Variants in MGST1 observed in about 807,000 individuals in gnomAD.
MGST1 encodes glutathione S-transferase 12.
Under a neutral mutation model 8.9 loss-of-function variants are expected in MGST1, and 5 were observed. The observed-to-expected ratio is 0.56, with a 90% CI of 0.29 to 1.19. MGST1 has a LOEUF of 1.19. Among genes scored for constraint, MGST1 ranks in the 50% most tolerant of loss-of-function variants. The probability of loss-of-function intolerance (pLI) is 0.08; values close to 1 mark genes in which losing one functional copy is unlikely to be tolerated. For missense variants in MGST1, 182 were observed against 187.4 expected (o/e 0.97, Z 0.17); for synonymous variants, 54 against 67.8 (o/e 0.80, Z 1.00).
intron 4 of MGST1, among the ~76,000 whole-genome samples, chr12:16,504,008 C>G (rs1941521387): frequency 6.6e-6 from 1 of 152,122 alleles, no homozygotes. Flanking sequence ...TTCCGGCTCA[C>G]CCTTGAATTC....
rs2137573900 is a variant in MGST1, at chr12:16,585,587, T to C, written n.483-3941T>C. On this transcript the variant is annotated intron_variant and non_coding_transcript_variant, in intron 4 of 4. Transcript: ENST00000538857. This position sits in a 1 kb window ranked among gnomAD's most constrained non-coding sequence, Gnocchi z 4.7. ...TCTCACTCAGCTATCTGAGCATCTC[T>C]CATGCATCAGGCCCTATGTTCCCAC... Among the ~76,000 whole-genome samples, 1 of 152,314 alleles carries C rather than the reference T, an allele frequency of 6.6e-6. No individual in the cohort carries two copies. Among genetic ancestry groups the C allele is most frequent in the East Asian group, 1.9e-4 (1 of 5,186 alleles).
chr12:16,424,265 G>A (rs1159507455), intron 1 of MGST1, among the ~76,000 whole-genome samples: 1 of 152,178 alleles, frequency 6.6e-6, no homozygotes, highest in Non-Finnish European at 1.5e-5. Context: ...GTCCAACAGA[G>A]GTGTCATAGA....
In MGST1 at chr12:16,433,794, A is replaced by G. The variant is rs541582467; in HGVS notation, n.779-3594A>G. Among the ~76,000 whole-genome samples the G allele has an allele frequency of 7.2e-5, 11 of 152,148 alleles. No individual in the cohort carries two copies. The East Asian group carries it at 9.7e-4, about 13-fold the overall frequency. ...CACATCCCAATCCAAGGCAATCTCA[A>G]TGTCCCCCAAGGCGTTCAGTTAGTT... On this transcript the variant is annotated intron_variant and non_coding_transcript_variant, in intron 1 of 1. Coordinates refer to the MGST1 transcript ENST00000359720.
Position 16,517,872 on chromosome 12 carries a change from T to A in MGST1, n.483-71656T>A, listed in dbSNP as rs1220874349. On this transcript the variant is annotated intron_variant and non_coding_transcript_variant, in intron 4 of 4. Coordinates refer to the MGST1 transcript ENST00000538857. This position sits in a 1 kb window ranked among gnomAD's most constrained non-coding sequence, Gnocchi z 4.2. ...TTATGTTAATACATAGGTCCCTAAG[T>A]TCTTGATTAATGTACATTTAGCCTT... 6.6e-6 allele frequency among the ~76,000 whole-genome samples: 1 copy of A among 152,208 alleles called. No individual in the cohort carries two copies.
chr12:16,412,665 A>T (rs1382430963), intron 1 of MGST1, among the ~76,000 whole-genome samples: 1 of 152,074 alleles, frequency 6.6e-6, no homozygotes, highest in Non-Finnish European at 1.5e-5. Context: ...GTAGTGAATA[A>T]ATCTCATGAG....
At chr12:16,567,745 T>C (rs370984161) in intron 4 of MGST1, among the ~76,000 whole-genome samples, 47 of 152,172 alleles carry the variant, frequency 3.1e-4, no homozygotes, top group African/African-American at 1.1e-3. Flanking sequence ...AGAAGCTTCA[T>C]GTTTGGTAAG....
chr12:16,385,988 C>A (rs1298825675), intron 1 of MGST1, among the ~76,000 whole-genome samples: 1 of 152,188 alleles, frequency 6.6e-6, no homozygotes, highest in Non-Finnish European at 1.5e-5. Context: ...AATCTGCCTA[C>A]TGCCTTCACT....
chr12:16,411,040 G>A lies in MGST1; in HGVS notation n.779-26348G>A, dbSNP rs182122078. Among the ~76,000 whole-genome samples the A allele has an allele frequency of 7.9e-5, 12 of 152,120 alleles. No homozygotes were observed. In the East Asian group the frequency reaches 1.7e-3, roughly 22 times the overall value. On this transcript the variant is annotated intron_variant and non_coding_transcript_variant, in intron 1 of 1. Transcript: ENST00000359720. ...TCCACTCCCACTTAGCTCTTCCTCT[G>A]TTCAACTATTACTTCCTTAGGGACT...
chr12:16,507,422 A>G (rs1234546982), intron 4 of MGST1, among the ~76,000 whole-genome samples: 3 of 152,230 alleles, frequency 2.0e-5, no homozygotes, highest in Non-Finnish European at 2.9e-5. Flanking sequence ...AGTTAGTGAG[A>G]CTGAAGAGGA....
intron 4 of MGST1, among the ~76,000 whole-genome samples, chr12:16,488,727 T>G (rs1941416713): frequency 6.6e-6 from 1 of 152,148 alleles, no homozygotes; most frequent in Non-Finnish European, 1.5e-5. Flanking sequence ...ACATGATTAA[T>G]ATTGGTCTCC....
chr12:16,490,750 G>A (rs934645566), intron 4 of MGST1, among the ~76,000 whole-genome samples: 5 of 152,116 alleles, frequency 3.3e-5, no homozygotes, highest in African/African-American at 1.2e-4. Flanking sequence ...ATTCAGGATT[G>A]AAAATCAAGC....
intron 4 of MGST1, among the ~76,000 whole-genome samples, chr12:16,453,933 A>C (rs1317846956): frequency 1.3e-5 from 2 of 151,990 alleles, no homozygotes; most frequent in Admixed American, 6.6e-5. Context: ...CCACCTTCTG[A>C]CATGAGAGTT....
chr12:16,569,805 AAG>A (rs1254132607), intron 4 of MGST1, among the ~76,000 whole-genome samples: 3 of 152,200 alleles, frequency 2.0e-5, no homozygotes, highest in African/African-American at 7.2e-5. Flanking sequence ...AGAGTATTAA[AAG>A]GGAGAAGGGA....
chr12:16,506,693 A>G (rs1242572729), intron 4 of MGST1, among the ~76,000 whole-genome samples: 1 of 152,164 alleles, frequency 6.6e-6, no homozygotes, highest in Non-Finnish European at 1.5e-5. Context: ...TTTGTGTACC[A>G]TGGCAAAGTT....
chr12:16,402,898 A>G (rs1424063550), intron 1 of MGST1, among the ~76,000 whole-genome samples: 1 of 150,072 alleles, frequency 6.7e-6, no homozygotes, highest in Non-Finnish European at 1.5e-5. Context: ...TTTATTTTCT[A>G]CTTTTTAATA....
intron 1 of MGST1, among the ~76,000 whole-genome samples, chr12:16,352,215 C>T (rs571958502): frequency 1.2e-4 from 19 of 152,302 alleles, no homozygotes; most frequent in African/African-American, 4.3e-4. Flanking sequence ...TAGTTGAACA[C>T]ATAGCAAGCT....
intron 4 of MGST1, among the ~76,000 whole-genome samples, chr12:16,532,803 T>A (rs1245050220): frequency 6.6e-6 from 1 of 152,176 alleles, no homozygotes; most frequent in Non-Finnish European, 1.5e-5. Flanking sequence ...TTTTTTTAAA[T>A]TTTACATTCC....
At chr12:16,415,731 T>A (rs1940782499) in intron 1 of MGST1, among the ~76,000 whole-genome samples, 1 of 152,176 alleles carries the variant, frequency 6.6e-6, no homozygotes, top group East Asian at 1.9e-4. Flanking sequence ...AGTAGTTAAG[T>A]TTTTGGGGAC....
intron 4 of MGST1, among the ~76,000 whole-genome samples, chr12:16,466,842 C>T (rs1255613685): frequency 2.0e-5 from 3 of 151,912 alleles, no homozygotes; most frequent in East Asian, 1.9e-4. Context: ...TTGAAATTTC[C>T]TCTCTTTTTT....
Sources: allele counts gnomAD v4.1 joint callset (sites outside exome capture counted in the v4.1 genomes callset), GRCh38; gene constraint gnomAD v4.1.1; non-coding constraint Gnocchi (gnomAD v3.1); transcripts MANE v1.5; gene names NCBI Gene and HGNC (gene_info 2026-07-23, HGNC 2026-07-21).